Variants in RBMS3 observed in about 807,000 individuals in gnomAD.
RBMS3 encodes RNA-binding motif, single-stranded-interacting protein 3.
In RBMS3, 27 loss-of-function variants were observed where a neutral mutation model predicts 66.8. That is an observed-to-expected ratio of 0.40 (90% confidence interval 0.30 to 0.56). The LOEUF is 0.56. Among genes scored for constraint, RBMS3 ranks in the 20% least tolerant of loss-of-function variants. The probability of loss-of-function intolerance (pLI) is 0.40; values close to 1 mark genes in which losing one functional copy is unlikely to be tolerated. For missense variants in RBMS3, 513 were observed against 549.5 expected, an observed-to-expected ratio of 0.93 and a Z score of 0.66; for synonymous variants, 188 against 183.0, an observed-to-expected ratio of 1.03 and a Z score of -0.22.
Position 29,599,615 on chromosome 3 carries a change from G to A in RBMS3, c.399+12410G>A, listed in dbSNP as rs183644438. ...TTCCAATCAACATGAAAAGACACAC[G>A]TCCACAGGTGTGTAGGCTTATTAGA... On this transcript the variant is annotated intron_variant, in intron 4 of 14. Coordinates refer to ENST00000383767, the MANE Select transcript of RBMS3 (RefSeq NM_001003793.3). Among the ~76,000 whole-genome samples, 5 of 152,048 alleles carry A rather than the reference G, an allele frequency of 3.3e-5. No individual in the cohort carries two copies. In the East Asian group the frequency reaches 7.7e-4, roughly 24 times the overall value.
intron 3 of RBMS3, among the ~76,000 whole-genome samples, chr3:29,516,799 A>T (rs2148965418): frequency 6.6e-6 from 1 of 152,378 alleles, no homozygotes; most frequent in Non-Finnish European, 1.5e-5. Flanking sequence ...TAATATTTTT[A>T]AAATGAAATG....
chr3:29,509,615 G>A (rs891488294), intron 3 of RBMS3, among the ~76,000 whole-genome samples: 2 of 152,038 alleles, frequency 1.3e-5, no homozygotes, highest in African/African-American at 2.4e-5. Flanking sequence ...CTTGACTTGC[G>A]AGACTCAGCT....
chr3:29,876,648 G>A (rs2059616196), intron 7 of RBMS3, among the ~76,000 whole-genome samples: 1 of 152,144 alleles, frequency 6.6e-6, no homozygotes, highest in East Asian at 1.9e-4. Context: ...GGCACCTGGA[G>A]AAAGAGCTGG....
At chr3:29,376,065 T>C (rs143147655) in intron 1 of RBMS3, among the ~76,000 whole-genome samples, 1 of 152,026 alleles carries the variant, frequency 6.6e-6, no homozygotes, top group African/African-American at 2.4e-5. Context: ...CTGGAGGCCA[T>C]TATCCCTAGC....
chr3:29,911,558 T>C (rs1165010582), intron 10 of RBMS3, among the ~76,000 whole-genome samples: 1 of 152,054 alleles, frequency 6.6e-6, no homozygotes, highest in Non-Finnish European at 1.5e-5. Flanking sequence ...AGAATGTTAT[T>C]GATATTACTT....
chr3:29,481,585 G>A (rs1265018214), intron 2 of RBMS3, among the ~76,000 whole-genome samples: 2 of 152,148 alleles, frequency 1.3e-5, no homozygotes, highest in African/African-American at 4.8e-5. Context: ...GGAGGGACAA[G>A]CATATGGGAA....
At chr3:29,972,661 G>C (rs973531581) in intron 12 of RBMS3, among the ~76,000 whole-genome samples, 17 of 152,052 alleles carry the variant, frequency 1.1e-4, no homozygotes, top group Non-Finnish European at 2.4e-4. Flanking sequence ...ATTTTCTCTT[G>C]TTTAGTTGCA....
At chr3:29,659,005 G>A (rs1272864764) in intron 4 of RBMS3, among the ~76,000 whole-genome samples, 2 of 152,068 alleles carry the variant, frequency 1.3e-5, no homozygotes, top group African/African-American at 4.8e-5. Context: ...TTTTAGTAGC[G>A]ATGGGGTTTC....
chr3:29,894,490 G>A (rs1397214811), intron 8 of RBMS3, among the ~76,000 whole-genome samples: 1 of 151,404 alleles, frequency 6.6e-6, no homozygotes, highest in Non-Finnish European at 1.5e-5. Context: ...TCCTCAGTGT[G>A]TGCGTGTGAG....
chr3:29,651,033 C>A (rs1345559180), intron 4 of RBMS3, among the ~76,000 whole-genome samples: 1 of 151,620 alleles, frequency 6.6e-6, no homozygotes, highest in Non-Finnish European at 1.5e-5. Flanking sequence ...TTTGATGTTG[C>A]CTTTAAAAAA....
intron 3 of RBMS3, among the ~76,000 whole-genome samples, chr3:29,517,165 G>C (rs1041969541): frequency 2.0e-5 from 3 of 151,684 alleles, no homozygotes; most frequent in African/African-American, 7.3e-5. Context: ...GAGCGTTTTG[G>C]TTGCGTCACT....
At chr3:29,406,576 C>T (rs535753298) in intron 1 of RBMS3, among the ~76,000 whole-genome samples, 7 of 152,288 alleles carry the variant, frequency 4.6e-5, no homozygotes, top group African/African-American at 1.7e-4. Flanking sequence ...TTAAGTTCTA[C>T]TCCTTTGCCT....
chr3:29,325,586 GTA>G (rs1269452898), intron 1 of RBMS3, among the ~76,000 whole-genome samples: 2 of 147,298 alleles, frequency 1.4e-5, no homozygotes, highest in Admixed American at 6.8e-5. Context: ...ATGTGTGTAT[GTA>G]TATATATACG....
intron 6 of RBMS3, among the ~76,000 whole-genome samples, chr3:29,861,804 A>C (rs534657606): frequency 6.6e-6 from 1 of 152,330 alleles, no homozygotes; most frequent in African/African-American, 2.4e-5. Context: ...CCACTAAGCA[A>C]GCAAACAGTA....
chr3:29,744,700 C>T (rs2054799759), intron 5 of RBMS3, among the ~76,000 whole-genome samples: 1 of 151,130 alleles, frequency 6.6e-6, no homozygotes, highest in African/African-American at 2.4e-5. Flanking sequence ...ATGAGAATCG[C>T]TTGAACCTGG....
intron 12 of RBMS3, among the ~76,000 whole-genome samples, chr3:29,968,928 A>C (rs905777959): frequency 2.6e-5 from 4 of 152,112 alleles, no homozygotes; most frequent in Non-Finnish European, 1.5e-5. Flanking sequence ...TGTGATGGAT[A>C]TTTAATTGTA....
intron 14 of RBMS3, among the ~76,000 whole-genome samples, chr3:30,002,755 G>A (rs1699668651): frequency 6.6e-6 from 1 of 151,930 alleles, no homozygotes; most frequent in Admixed American, 6.6e-5. Context: ...TGGCTCACAT[G>A]ATGGCTTTTT....
intron 3 of RBMS3, among the ~76,000 whole-genome samples, chr3:29,530,864 T>A (rs1284765400): frequency 4.0e-5 from 6 of 149,860 alleles, no homozygotes; most frequent in Non-Finnish European, 8.9e-5. Flanking sequence ...AGTGCAAGAT[T>A]CCATCTCAAA....
chr3:29,811,194 A>C (rs1005229793), intron 6 of RBMS3, among the ~76,000 whole-genome samples: 3 of 152,124 alleles, frequency 2.0e-5, no homozygotes, highest in Admixed American at 6.6e-5. Flanking sequence ...TCTTCAGGTA[A>C]TCGCTGAAGA....
Sources: gnomAD v4.1 joint callset for allele counts (sites outside exome capture counted in the v4.1 genomes callset) on GRCh38, gnomAD v4.1.1 for gene constraint, MANE v1.5 for transcripts, NCBI Gene and HGNC (gene_info 2026-07-23, HGNC 2026-07-21) for gene names.